ADAMDEC1: variants seen among roughly 807,000 people sequenced by gnomAD.
The protein encoded by ADAMDEC1 is ADAM DEC1.
A neutral mutation model predicts 60.4 loss-of-function variants in ADAMDEC1; 62 were observed. The ratio of observed to expected loss-of-function variants is 1.03; its 90% confidence interval spans 0.84 to 1.27. The LOEUF (loss-of-function observed/expected upper bound fraction) is 1.27. ADAMDEC1 is among the 50% of genes most tolerant of loss of function. ADAMDEC1 has a pLI of 0.00. For synonymous variants in ADAMDEC1, 210 were observed against 195.1 expected, an observed-to-expected ratio of 1.08 and a Z score of -0.64; for missense variants, 595 against 565.0, an observed-to-expected ratio of 1.05 and a Z score of -0.54.
At chr8:24,402,168 T>A in intron 12 of ADAMDEC1, 76 bp downstream of exon 12, 2 of 1,342,252 alleles carry the variant, frequency 1.5e-6, no homozygotes, top group Non-Finnish European at 2.0e-6. Context: ...TTTTGGAAAT[T>A]CTTTCTAAAG....
chr8:24,399,029 T>G lies in ADAMDEC1; in HGVS notation c.918T>G (p.Ala306=), dbSNP rs1411105713. The change falls in exon 9 of 14, where the codon GCT becomes GCG. Residue 306 remains alanine, a synonymous_variant. Coordinates refer to ENST00000256412, the MANE Select transcript of ADAMDEC1 (RefSeq NM_014479.3). ...TGGGGAAAAAGATCCACGACCATGC[T>G]CAGCTTCTCAGGTGAGCACATGCTG... ...SNLGKKIHDH[A]QLLSGISFNN... 6.2e-7 allele frequency: 1 copy of G among 1,612,806 alleles called. No individual in the cohort carries two copies. Among genetic ancestry groups the G allele is most frequent in the South Asian group, 1.1e-5 (1 of 90,836 alleles).
At chr8:24,402,877 T>C (rs1474941928) in intron 12 of ADAMDEC1, among the ~76,000 whole-genome samples, 1 of 152,172 alleles carries the variant, frequency 6.6e-6, no homozygotes, top group Non-Finnish European at 1.5e-5. Context: ...AAACTTTCTG[T>C]TAATTATAAA....
Position 24,393,276 on chromosome 8 carries a change from T to C in ADAMDEC1, c.222T>C (p.Pro74=). Residue 74 remains proline (P), a synonymous_variant, in exon 3 of 14, where the codon CCT becomes CCC. Transcript: ENST00000256412. ...EKHGKEERYE[P]EVQYQMILNG... ...AATGTTTTCAGGAAAGGTATGAACC[T>C]GAAGTTCAATATCAGATGATCTTAA... is the stretch of plus-strand genomic sequence containing the variant. The C allele has an allele frequency of 6.3e-7, 1 of 1,599,168 alleles. No homozygotes were observed. The highest frequency in any genetic ancestry group is 8.5e-7 in the Non-Finnish European group (1 of 1,171,638).
At chr8:24,404,749 A>G (rs1817847995) in intron 13 of ADAMDEC1, among the ~76,000 whole-genome samples, 1 of 152,202 alleles carries the variant, frequency 6.6e-6, no homozygotes, top group African/African-American at 2.4e-5. Context: ...TGGAATTGAA[A>G]CTGCAGAGAC....
intron 2 of ADAMDEC1, 83 bp from the exon 3 acceptor site, chr8:24,393,179 G>T: frequency 1.3e-6 from 1 of 794,802 alleles, no homozygotes; most frequent in Non-Finnish European, 1.9e-6. Context: ...ATTTGTAATT[G>T]TTCTTCTAAT....
Position 24,404,108 on chromosome 8 carries a change from T to TTGTTCCAAAACGTTTTCTC in ADAMDEC1, c.1406+21_1406+39dup. 1.2e-6 allele frequency: 2 copies of TTGTTCCAAAACGTTTTCTC among 1,609,554 alleles called. No homozygotes were observed. Among genetic ancestry groups the TTGTTCCAAAACGTTTTCTC allele is most frequent in the Non-Finnish European group, 1.7e-6 (2 of 1,177,540 alleles). On this transcript the variant is annotated intron_variant, in intron 13 of 13. Coordinates refer to ENST00000256412, the MANE Select transcript of ADAMDEC1 (RefSeq NM_014479.3). ...TACCACGTAAGACCTTTTGTTTTCT[T>TTGTTCCAAAACGTTTTCTC]TGTTCCAAAACGTTTTCTCACGTTT... is the stretch of plus-strand genomic sequence containing the variant.
Position 24,405,491 on chromosome 8 carries a change from C to A in ADAMDEC1, c.*193C>A. 2.0e-6 allele frequency: 1 copy of A among 500,564 alleles called. No homozygotes were observed. Among genetic ancestry groups the A allele is most frequent in the South Asian group, 5.2e-5 (1 of 19,320 alleles). The allele number at this position is 500,564 out of a possible 1,614,324, so 31.0% of individuals were successfully genotyped here. ...CATTGGCTCTTTGTTTAGGCCTAAT[C>A]TTTCTTTTTACTTTTTTTTTTCTTT... is the stretch of plus-strand genomic sequence containing the variant. On this transcript the variant is annotated 3_prime_UTR_variant, in exon 14 of 14. Coordinates refer to ENST00000256412, the MANE Select transcript of ADAMDEC1 (RefSeq NM_014479.3).
At chr8:24,392,208 A>G (rs1817462246) in intron 1 of ADAMDEC1, 54 bp from the exon 2 acceptor site, 3 of 1,395,704 alleles carry the variant, frequency 2.1e-6, no homozygotes, top group Admixed American at 4.0e-5. Context: ...ACACAACACG[A>G]CTAAAACCAA....
intron 11 of ADAMDEC1, among the ~76,000 whole-genome samples, chr8:24,400,598 A>G (rs115189769): frequency 0.016 from 2,487 of 151,368 alleles, 77 homozygotes; most frequent in African/African-American, 0.058. Flanking sequence ...CAAGTAAATT[A>G]TGTTTAGGGA....
intron 10 of ADAMDEC1, 41 bp downstream of exon 10, chr8:24,399,515 C>T (rs1318827033): frequency 6.7e-7 from 1 of 1,486,140 alleles, no homozygotes; most frequent in Non-Finnish European, 9.4e-7. Flanking sequence ...GTTCTGTATC[C>T]TCTATGAAGG....
rs759194715 is a variant in ADAMDEC1, at chr8:24,397,683, AAAG to A, written c.633_635del (p.Glu211del). ...CAATGTTCTTTTATTCTTTGTAAAG[AAAG>A]AAGACTTTCTTCGGGCACAGAAATA... On this transcript the variant is annotated inframe_deletion and splice_region_variant, in exon 7 of 14. Transcript: ENST00000256412. 3.2e-5 allele frequency: 51 copies of A among 1,612,620 alleles called. No individual in the cohort carries two copies. Among genetic ancestry groups the A allele is most frequent in the Admixed American group, 6.7e-5 (4 of 59,940 alleles).
rs1817828291 is a variant in ADAMDEC1 at position 24,404,004 on chromosome 8, AGT to A, written c.1325_1326del (p.Cys442TyrfsTer6). The A allele has an allele frequency of 1.9e-6, 3 of 1,612,944 alleles. No homozygotes were observed. In the Admixed American group the frequency reaches 5.0e-5, roughly 27 times the overall value. On this transcript the variant is annotated frameshift_variant and splice_region_variant, in exon 13 of 14. Coordinates refer to ENST00000256412, the MANE Select transcript of ADAMDEC1 (RefSeq NM_014479.3). LOFTEE classifies it high-confidence loss of function. ...TTCCATTGTGTGTGTGCTTTGAAGG[AGT>A]GTACCAATCTCTGCTGTGAAGCCCT... is the stretch of plus-strand genomic sequence containing the variant.
intron 8 of ADAMDEC1, 48 bp from the exon 9 acceptor site, chr8:24,398,826 C>G: frequency 6.3e-7 from 1 of 1,580,004 alleles, no homozygotes; most frequent in African/African-American, 1.4e-5. Context: ...CTCTCAGACA[C>G]GAAAGGAATC....
intron 1 of ADAMDEC1, chr8:24,387,279 G>A (rs1817316300): frequency 6.6e-6 from 1 of 152,118 alleles, no homozygotes; most frequent in African/African-American, 2.4e-5. Flanking sequence ...CAATATATTG[G>A]GAGAGAGGGC....
At position 24,398,991 on chromosome 8, in the gene ADAMDEC1, C is replaced by T. The variant is rs746082282; in HGVS notation, c.880C>T (p.His294Tyr). 1 of 1,613,756 alleles carries T rather than the reference C, an allele frequency of 6.2e-7. No individual in the cohort carries two copies. Among genetic ancestry groups the T allele is most frequent in the South Asian group, 1.1e-5 (1 of 91,060 alleles). ...STTFDNFLRW[H>Y]SSNLGKKIHD... ...CACGTTTGACAACTTCCTGAGATGG[C>T]ACAGTTCTAACCTGGGGAAAAAGAT... The change falls in exon 9 of 14, where the codon CAC (histidine) becomes TAC (tyrosine). Residue 294 changes from histidine (H) to tyrosine (Y), a missense_variant. Coordinates refer to ENST00000256412, the MANE Select transcript of ADAMDEC1 (RefSeq NM_014479.3).
At chr8:24,385,069 C>A (rs548585178) in intron 1 of ADAMDEC1, among the ~76,000 whole-genome samples, 2 of 151,974 alleles carry the variant, frequency 1.3e-5, no homozygotes, top group East Asian at 3.9e-4. Context: ...GAAAAGGAAC[C>A]CTTTTTGTCT....
chr8:24,399,593 T>C (rs1817709675), intron 10 of ADAMDEC1, 119 bp downstream of exon 10: 2 of 876,592 alleles, frequency 2.3e-6, no homozygotes, highest in Non-Finnish European at 3.8e-6. Flanking sequence ...AAGGAAGAAA[T>C]GAAACTACTG....
At chr8:24,400,043 A>G in intron 10 of ADAMDEC1, 127 bp from the exon 11 acceptor site, 1 of 707,820 alleles carries the variant, frequency 1.4e-6, no homozygotes, top group African/African-American at 1.8e-5. Flanking sequence ...AACGTTTTGC[A>G]ATACACAGTG....
At chr8:24,389,643 A>G (rs1236121988) in intron 1 of ADAMDEC1, among the ~76,000 whole-genome samples, 1 of 152,170 alleles carries the variant, frequency 6.6e-6, no homozygotes, top group Non-Finnish European at 1.5e-5. Flanking sequence ...CAAATTTTCT[A>G]TCAGGTCTTG....
Sources: allele counts gnomAD v4.1 joint callset (sites outside exome capture counted in the v4.1 genomes callset), GRCh38; gene constraint gnomAD v4.1.1; transcripts MANE v1.5; gene names NCBI Gene and HGNC (gene_info 2026-07-23, HGNC 2026-07-21).